Variants in R3HCC1 observed in about 807,000 individuals in gnomAD.
R3HCC1 encodes the protein R3H domain and coiled-coil containing 1.
R3HCC1 carries 32 observed loss-of-function variants against 40.0 expected under a neutral mutation model. The ratio of observed to expected loss-of-function variants is 0.80; its 90% CI spans 0.60 to 1.07. The LOEUF (loss-of-function observed/expected upper bound fraction) is 1.07, where lower values mean the gene tolerates loss of function less well. Ranked by LOEUF, R3HCC1 falls within the 50% of genes least tolerant of loss-of-function variation. R3HCC1 has a pLI of 0.00. For missense variants in R3HCC1, 586 were observed against 563.3 expected (o/e 1.04, Z -0.41); for synonymous variants, 237 against 232.8 (o/e 1.02, Z -0.17).
chr8:23,289,179 C>T (rs1262570067), intron 3 of R3HCC1, 26 bp downstream of exon 3: 3 of 1,534,994 alleles, frequency 2.0e-6, no homozygotes, highest in South Asian at 2.4e-5. Context: ...CCTTGAAGTG[C>T]CTGCAGCGGT....
At position 23,290,367 on chromosome 8, in the gene R3HCC1, G is replaced by A. The variant is rs959872230; in HGVS notation, c.750G>A (p.Leu250=). Residue 250 remains leucine, a synonymous_variant, in exon 4 of 8, where the codon TTG becomes TTA. Transcript: ENST00000265806. ...TGGAAAAGGGGAAGGAGAGTCTGTT[G>A]GAGAAGAGGCTGGTGGCAGAGGAGG... 6.4e-7 allele frequency: 1 copy of A among 1,551,890 alleles called. No homozygotes were observed. Among genetic ancestry groups the A allele is most frequent in the Non-Finnish European group, 8.7e-7 (1 of 1,147,034 alleles).
Position 23,296,052 on chromosome 8 carries a change from C to CAA in R3HCC1, c.1282_1283dup (p.Lys429ArgfsTer59), listed in dbSNP as rs779370756. On this transcript the variant is annotated frameshift_variant, in exon 8 of 8. Transcript: ENST00000265806. LOFTEE classifies it low-confidence loss of function (END_TRUNC). ...TGGCCCGGGCCCTGGGACTCCAACA[C>CAA]AAAAAGAAAGAGCGGCCTGCTGTCC... The CAA allele has an allele frequency of 2.6e-6, 4 of 1,550,554 alleles. No homozygotes were observed. The East Asian group carries it at 9.8e-5, about 38-fold the overall frequency.
chr8:23,292,462 A>G (rs1802889261), intron 5 of R3HCC1, among the ~76,000 whole-genome samples: 2 of 152,098 alleles, frequency 1.3e-5, no homozygotes, highest in Non-Finnish European at 2.9e-5. Context: ...CAAAAAAATA[A>G]AATTAGCTGG....
Position 23,289,424 on chromosome 8 carries a change from G to A in R3HCC1, c.248+271G>A, listed in dbSNP as rs368241340. ...TTAAGTAGTGGGTGTGTGGCGGGGG[G>A]CCTCCCTAGCATTCCTCTCAGTGAG... On this transcript the variant is annotated intron_variant, in intron 3 of 7. Coordinates refer to ENST00000265806, the MANE Select transcript of R3HCC1 (RefSeq NM_001136108.3). 3.1e-4 allele frequency among the ~76,000 whole-genome samples: 47 copies of A among 152,288 alleles called. 1 individual carries two copies. The East Asian group carries it at 5.8e-3, about 19-fold the overall frequency.
intron 1 of R3HCC1, 23 bp downstream of exon 1, chr8:23,288,180 G>T: frequency 8.3e-7 from 1 of 1,205,618 alleles, no homozygotes; most frequent in Non-Finnish European, 1.0e-6. Context: ...GCACTGGGGG[G>T]GTGGTCGTCC....
chr8:23,289,210 G>C (rs1802806668), intron 3 of R3HCC1, 57 bp downstream of exon 3: 6 of 1,523,354 alleles, frequency 3.9e-6, no homozygotes, highest in Non-Finnish European at 5.3e-6. Flanking sequence ...TGGCCAGCTA[G>C]CTGGTCAGCC....
chr8:23,290,602 C>T (rs1802846717), intron 4 of R3HCC1, 133 bp downstream of exon 4: 9 of 1,105,360 alleles, frequency 8.1e-6, no homozygotes, highest in South Asian at 5.0e-5. Flanking sequence ...TGTTGGGTGA[C>T]AGGGATTCCT....
At chr8:23,288,942 A>G in intron 2 of R3HCC1, 74 bp from the exon 3 acceptor site, 2 of 1,479,552 alleles carry the variant, frequency 1.4e-6, no homozygotes, top group South Asian at 2.5e-5. Context: ...TTAATCCGCG[A>G]TTAACCTGGG....
In R3HCC1 at chr8:23,291,399, G is replaced by A. The variant is rs771955498; in HGVS notation, c.891G>A (p.Glu297=). The change falls in exon 5 of 8, where the codon GAG becomes GAA. Residue 297 remains glutamate (E), a synonymous_variant. Transcript: ENST00000265806. ...TGACGAAGAAGGAGATTCAGATAGAGAAGATCCATTTGGACACATCCTCCT... is the reference window on the plus strand; with the variant it reads ...TGACGAAGAAGGAGATTCAGATAGAAAAGATCCATTTGGACACATCCTCCT... The A allele has an allele frequency of 5.8e-6, 9 of 1,551,858 alleles. No individual in the cohort carries two copies. The East Asian group carries it at 2.2e-4, about 38-fold the overall frequency.
chr8:23,296,052 CAAAA>C lies in R3HCC1; in HGVS notation c.1280_1283del (p.Lys427ArgfsTer59), dbSNP rs779370756. The stretch of plus-strand genomic sequence containing the variant: ...TGGCCCGGGCCCTGGGACTCCAACA[CAAAA>C]AGAAAGAGCGGCCTGCTGTCCGGGG... On this transcript the variant is annotated frameshift_variant, in exon 8 of 8. Transcript: ENST00000265806. LOFTEE classifies it low-confidence loss of function (END_TRUNC). 1.0e-5 allele frequency: 16 copies of C among 1,550,554 alleles called. No homozygotes were observed. The highest frequency in any genetic ancestry group is 1.4e-5 in the Non-Finnish European group (16 of 1,146,902).
intron 6 of R3HCC1, among the ~76,000 whole-genome samples, 153 bp downstream of exon 6, chr8:23,293,526 G>A (rs936458660): frequency 3.3e-5 from 5 of 152,134 alleles, no homozygotes; most frequent in African/African-American, 9.7e-5. Flanking sequence ...AACCCAGGGG[G>A]AGCTGAGCGG....
chr8:23,293,224 G>C, intron 5 of R3HCC1, 79 bp from the exon 6 acceptor site: 1 of 1,201,932 alleles, frequency 8.3e-7, no homozygotes, highest in South Asian at 1.3e-5. Context: ...CTGGAGGCGA[G>C]GGGGTGTGGC....
In R3HCC1 at chr8:23,294,897, CTGTGTGTGTGTGTGTGCGTGCGAGCATG is replaced by C. The variant is rs755080073; in HGVS notation, c.1192+44_1192+71del. The C allele has an allele frequency of 5.1e-6, 7 of 1,374,486 alleles. No homozygotes were observed. In the Admixed American group the frequency reaches 1.2e-4, roughly 24 times the overall value. The allele number at this position is 1,374,486 out of a possible 1,614,324, so 85.1% of individuals were successfully genotyped here. ...AAGCGCATGTCCCTGAATAGGGAGGCTGTGTGTGTGTGTGTGCGTGCGAGCATGTGTGTGTGTGCGTGTGTGTGTGTCT... is the reference window on the plus strand; with the variant it reads ...AAGCGCATGTCCCTGAATAGGGAGGCTGTGTGTGTGCGTGTGTGTGTGTCT... On this transcript the variant is annotated intron_variant, in intron 7 of 7. Coordinates refer to ENST00000265806, the MANE Select transcript of R3HCC1 (RefSeq NM_001136108.3).
intron 3 of R3HCC1, among the ~76,000 whole-genome samples, chr8:23,289,512 C>T (rs1231654653): frequency 6.6e-6 from 1 of 152,100 alleles, no homozygotes; most frequent in African/African-American, 2.4e-5. Flanking sequence ...TTCCCATGTG[C>T]GTCTCAGTGA....
At chr8:23,293,089 A>G (rs1378690717) in intron 5 of R3HCC1, among the ~76,000 whole-genome samples, 1 of 152,160 alleles carries the variant, frequency 6.6e-6, no homozygotes, top group Non-Finnish European at 1.5e-5. Flanking sequence ...CCTGCCTGAC[A>G]TTGACAGGAG....
chr8:23,289,817 C>A (rs966485486), intron 3 of R3HCC1, 49 bp from the exon 4 acceptor site: 38 of 1,443,572 alleles, frequency 2.6e-5, no homozygotes, highest in Non-Finnish European at 3.3e-5. Flanking sequence ...AAATCATTTT[C>A]CTTTGGGCCC....
chr8:23,294,634 C>G, intron 6 of R3HCC1, 135 bp from the exon 7 acceptor site: 1 of 684,938 alleles, frequency 1.5e-6, no homozygotes. Flanking sequence ...TCTTGCCCAT[C>G]CAGGGCGGTG....
At chr8:23,293,589 G>A (rs182748913) in intron 6 of R3HCC1, among the ~76,000 whole-genome samples, 248 of 152,320 alleles carry the variant, frequency 1.6e-3, no homozygotes, top group Admixed American at 3.4e-3. Flanking sequence ...TATTGTGTTA[G>A]TGCTTTCAAT....
At chr8:23,293,994 C>T (rs927587598) in intron 6 of R3HCC1, among the ~76,000 whole-genome samples, 16 of 152,196 alleles carry the variant, frequency 1.1e-4, no homozygotes, top group African/African-American at 3.9e-4. Context: ...TAGTTACCCG[C>T]GCCACGCCCC....
Sources: gnomAD v4.1 joint callset for allele counts (sites outside exome capture counted in the v4.1 genomes callset) on GRCh38, gnomAD v4.1.1 for gene constraint, MANE v1.5 for transcripts, NCBI Gene and HGNC (gene_info 2026-07-23, HGNC 2026-07-21) for gene names.